Variants in SNTB1 observed in about 807,000 individuals in gnomAD.
SNTB1 encodes beta-1-syntrophin.
A neutral mutation model predicts 48.9 loss-of-function variants in SNTB1; 36 were observed. The ratio of observed to expected loss-of-function variants is 0.74; its 90% CI spans 0.56 to 0.97. The LOEUF (loss-of-function observed/expected upper bound fraction) is 0.97, where lower values mean the gene tolerates loss of function less well. Ranked by LOEUF, SNTB1 falls within the 50% of genes least tolerant of loss-of-function variation. The pLI is 0.00. For synonymous variants in SNTB1, 299 were observed against 294.6 expected, an observed-to-expected ratio of 1.01 and a Z score of -0.15; for missense variants, 786 against 703.4, an observed-to-expected ratio of 1.12 and a Z score of -1.33.
chr8:120,701,516 T>A (rs1053330326), intron 1 of SNTB1, among the ~76,000 whole-genome samples: 1 of 152,200 alleles, frequency 6.6e-6, no homozygotes, highest in African/African-American at 2.4e-5. Context: ...CACCAAGAAA[T>A]AGCCCTGTTC....
chr8:120,731,445 A>C (rs1244528256), intron 1 of SNTB1, among the ~76,000 whole-genome samples: 1 of 152,204 alleles, frequency 6.6e-6, no homozygotes, highest in African/African-American at 2.4e-5. Flanking sequence ...GAGCATTAGA[A>C]ACAGGATCAA....
intron 5 of SNTB1, among the ~76,000 whole-genome samples, chr8:120,542,709 TCC>T (rs1815310133): frequency 8.9e-6 from 1 of 111,958 alleles, no homozygotes; most frequent in African/African-American, 6.2e-5. Context: ...AACCTTATCA[TCC>T]ACACACACAC....
intron 1 of SNTB1, among the ~76,000 whole-genome samples, chr8:120,808,826 C>A (rs1820381301): frequency 6.6e-6 from 1 of 152,106 alleles, no homozygotes; most frequent in South Asian, 2.1e-4. Flanking sequence ...GGGGTGCATA[C>A]AGGCGGTGGT....
intron 3 of SNTB1, among the ~76,000 whole-genome samples, chr8:120,607,406 CT>C (rs1047266560): frequency 3.4e-5 from 5 of 148,834 alleles, no homozygotes; most frequent in Non-Finnish European, 7.4e-5. Context: ...TTGTGTCTGG[CT>C]TTTTTTAAAA....
intron 1 of SNTB1, among the ~76,000 whole-genome samples, chr8:120,809,593 A>G (rs937159697): frequency 7.9e-5 from 12 of 152,182 alleles, no homozygotes; most frequent in African/African-American, 2.9e-4. Context: ...CTAAAATAAA[A>G]TGACCCGCCT....
chr8:120,811,945 C>T lies in SNTB1; in HGVS notation c.-102G>A. Reference sequence around the variant, plus strand: ...GGGGCCCGGGGGAGCGAGGAGAGTGCGTCCCGCGGGGAGGTGGCGGCACGC... The same window carrying T: ...GGGGCCCGGGGGAGCGAGGAGAGTGTGTCCCGCGGGGAGGTGGCGGCACGC... On this transcript the variant is annotated 5_prime_UTR_variant, in exon 1 of 7. Coordinates refer to ENST00000517992, the MANE Select transcript of SNTB1 (RefSeq NM_021021.4). 7.9e-7 allele frequency: 1 copy of T among 1,272,452 alleles called. No homozygotes were observed. Among genetic ancestry groups the T allele is most frequent in the Non-Finnish European group, 9.9e-7 (1 of 1,013,622 alleles). The allele number at this position is 1,272,452 out of a possible 1,614,324, so 78.8% of individuals were successfully genotyped here. A position where few individuals can be genotyped will look rare whatever the true frequency, so the allele number is the denominator to read the frequency against.
At chr8:120,604,744 C>G (rs565387893) in intron 3 of SNTB1, among the ~76,000 whole-genome samples, 2 of 152,272 alleles carry the variant, frequency 1.3e-5, no homozygotes, top group East Asian at 3.9e-4. Flanking sequence ...AATCGCCATG[C>G]CTGGCCAACT....
At chr8:120,714,384 G>A (rs2129927758) in intron 1 of SNTB1, among the ~76,000 whole-genome samples, 1 of 152,214 alleles carries the variant, frequency 6.6e-6, no homozygotes, top group South Asian at 2.1e-4. Context: ...TGGCCCTCAT[G>A]AGTAGGATAC....
At chr8:120,726,632 A>G (rs1210133387) in intron 1 of SNTB1, among the ~76,000 whole-genome samples, 1 of 152,204 alleles carries the variant, frequency 6.6e-6, no homozygotes, top group Admixed American at 6.6e-5. Flanking sequence ...GGTACATGGG[A>G]AAAAAATACA....
At chr8:120,680,884 T>C (rs1043142820) in intron 2 of SNTB1, among the ~76,000 whole-genome samples, 5 of 152,178 alleles carry the variant, frequency 3.3e-5, no homozygotes, top group Non-Finnish European at 7.3e-5. Context: ...TTTCCAGGAA[T>C]GGTGCTGACA....
intron 3 of SNTB1, among the ~76,000 whole-genome samples, chr8:120,593,606 A>C (rs967274909): frequency 6.6e-6 from 1 of 152,220 alleles, no homozygotes; most frequent in African/African-American, 2.4e-5. Flanking sequence ...TCATTCTTAC[A>C]GGAGGGTTAG....
At chr8:120,635,157 A>G (rs1817053831) in intron 2 of SNTB1, among the ~76,000 whole-genome samples, 2 of 152,212 alleles carry the variant, frequency 1.3e-5, no homozygotes, top group South Asian at 4.1e-4. Flanking sequence ...TTAGGTGACA[A>G]CTGTCCTCGC....
intron 2 of SNTB1, among the ~76,000 whole-genome samples, chr8:120,665,344 C>T (rs550031009): frequency 4.6e-5 from 7 of 152,022 alleles, no homozygotes; most frequent in African/African-American, 1.2e-4. Context: ...TCCAGCTACT[C>T]GGGAGGCTGA....
At chr8:120,760,012 C>T (rs1179753592) in intron 1 of SNTB1, among the ~76,000 whole-genome samples, 1 of 152,170 alleles carries the variant, frequency 6.6e-6, no homozygotes, top group African/African-American at 2.4e-5. Context: ...GTTGGCCATA[C>T]AGTCTCTGTC....
At chr8:120,604,457 C>CTT (rs60947708) in intron 3 of SNTB1, among the ~76,000 whole-genome samples, 26 of 132,978 alleles carry the variant, frequency 2.0e-4, no homozygotes, top group African/African-American at 5.7e-4. Context: ...GCTTTTGCTT[C>CTT]TTTTTTTTTT....
chr8:120,774,176 G>C (rs1216878931), intron 1 of SNTB1, among the ~76,000 whole-genome samples: 1 of 152,252 alleles, frequency 6.6e-6, no homozygotes, highest in Non-Finnish European at 1.5e-5. Flanking sequence ...AATGTGGAGA[G>C]AGTGAGCTGA....
chr8:120,697,614 C>T (rs537990398), intron 1 of SNTB1, among the ~76,000 whole-genome samples: 1 of 152,274 alleles, frequency 6.6e-6, no homozygotes, highest in South Asian at 2.1e-4. Flanking sequence ...CAACTTCATC[C>T]TAAGCTTCAA....
chr8:120,697,750 T>A (rs1435613322), intron 1 of SNTB1, among the ~76,000 whole-genome samples: 1 of 152,234 alleles, frequency 6.6e-6, no homozygotes, highest in Non-Finnish European at 1.5e-5. Flanking sequence ...TCACGCATAC[T>A]ACAAAGCTAT....
At chr8:120,575,757 G>A (rs537233358) in intron 3 of SNTB1, among the ~76,000 whole-genome samples, 2 of 152,256 alleles carry the variant, frequency 1.3e-5, no homozygotes, top group African/African-American at 2.4e-5. Flanking sequence ...AACTTCTCTG[G>A]TTCTGTTGAA....
Sources: gnomAD v4.1 joint callset for allele counts (sites outside exome capture counted in the v4.1 genomes callset) on GRCh38, gnomAD v4.1.1 for gene constraint, MANE v1.5 for transcripts, NCBI Gene and HGNC (gene_info 2026-07-23, HGNC 2026-07-21) for gene names.